The following COL24A1 variants were observed in gnomAD, a reference collection of about 807,000 sequenced individuals.
The protein encoded by COL24A1 is collagen type XXIV alpha 1 chain.
Under a neutral mutation model 253.9 loss-of-function variants are expected in COL24A1, and 224 were observed. That is an observed-to-expected ratio of 0.88 (90% CI 0.79 to 0.99). The LOEUF is 0.99. COL24A1 is among the 50% of genes least tolerant of loss of function. The pLI is 0.00. For synonymous variants in COL24A1, 685 were observed against 673.7 expected (o/e 1.02, Z -0.26); for missense variants, 2,131 against 2,068.5 (o/e 1.03, Z -0.59).
intron 43 of COL24A1, among the ~76,000 whole-genome samples, chr1:85,829,908 C>T (rs1057111862): frequency 5.9e-5 from 9 of 152,080 alleles, no homozygotes; most frequent in African/African-American, 2.2e-4. Context: ...CGTCTGAAGC[C>T]TTCTTCTCTG....
At chr1:86,015,566 T>C (rs1250215919) in intron 19 of COL24A1, among the ~76,000 whole-genome samples, 1 of 152,150 alleles carries the variant, frequency 6.6e-6, no homozygotes, top group East Asian at 1.9e-4. Flanking sequence ...CTAGTGTACA[T>C]ATCACCTGTA....
At chr1:86,071,167 GT>G (rs1701846989) in intron 7 of COL24A1, among the ~76,000 whole-genome samples, 1 of 152,160 alleles carries the variant, frequency 6.6e-6, no homozygotes, top group Admixed American at 6.5e-5. Flanking sequence ...GCATTAAGCT[GT>G]CATCAGTTTA....
chr1:86,045,894 AG>A (rs1194706820), intron 12 of COL24A1: 2 of 433,492 alleles, frequency 4.6e-6, no homozygotes, highest in Middle Eastern at 3.4e-4. Context: ...TGTGAGTAGA[AG>A]ACAGAGCAGA....
intron 24 of COL24A1, among the ~76,000 whole-genome samples, chr1:85,951,855 A>T (rs1689966764): frequency 6.6e-6 from 1 of 152,190 alleles, no homozygotes; most frequent in Non-Finnish European, 1.5e-5. Context: ...TTCCATTTTT[A>T]ACTGAAAATG....
chr1:85,860,304 T>C (rs1257691731), intron 37 of COL24A1, among the ~76,000 whole-genome samples: 1 of 152,210 alleles, frequency 6.6e-6, no homozygotes, highest in African/African-American at 2.4e-5. Context: ...AAATCAATTT[T>C]AGAACATTTT....
At chr1:85,970,185 T>C (rs1386731853) in intron 22 of COL24A1, 42 bp downstream of exon 22, 1 of 1,510,826 alleles carries the variant, frequency 6.6e-7, no homozygotes, top group South Asian at 1.3e-5. Context: ...ACAGCTATTT[T>C]CAAGAAAAGC....
chr1:85,830,782 C>T (rs988399162), intron 43 of COL24A1, among the ~76,000 whole-genome samples: 4 of 152,156 alleles, frequency 2.6e-5, no homozygotes, highest in African/African-American at 4.8e-5. Flanking sequence ...TGCTTCGGCT[C>T]GCGCACAGTG....
intron 43 of COL24A1, among the ~76,000 whole-genome samples, chr1:85,828,915 CCATTTA>C (rs1674781009): frequency 6.7e-6 from 1 of 149,614 alleles, no homozygotes; most frequent in South Asian, 2.1e-4. Flanking sequence ...AGCATTTAGT[CCATTTA>C]CATTTAAAGT....
chr1:86,015,677 C>G (rs1696923309), intron 19 of COL24A1, among the ~76,000 whole-genome samples: 1 of 152,062 alleles, frequency 6.6e-6, no homozygotes. Context: ...GCAGTAAATA[C>G]TATTCATTCC....
At chr1:85,837,553 C>A (rs542596796) in intron 43 of COL24A1, among the ~76,000 whole-genome samples, 2 of 152,080 alleles carry the variant, frequency 1.3e-5, no homozygotes, top group South Asian at 2.1e-4. Flanking sequence ...TAGAACTAGA[C>A]GTTGTACAAG....
chr1:86,077,134 A>G (rs955851759), intron 7 of COL24A1, among the ~76,000 whole-genome samples: 5 of 152,200 alleles, frequency 3.3e-5, no homozygotes, highest in Admixed American at 2.0e-4. Context: ...AGAAACTTAA[A>G]CAAATTCACA....
intron 53 of COL24A1, 78 bp downstream of exon 53, chr1:85,775,596 T>TG (rs1668459598): frequency 4.2e-6 from 5 of 1,197,624 alleles, no homozygotes; most frequent in Non-Finnish European, 6.0e-6. Context: ...AATGGATAAC[T>TG]CTAACAGGGT....
chr1:85,910,055 A>G (rs1685219700), intron 25 of COL24A1, 52 bp from the exon 26 acceptor site: 1 of 1,416,590 alleles, frequency 7.1e-7, no homozygotes, highest in Non-Finnish European at 9.9e-7. Flanking sequence ...TTAATTAGTC[A>G]TGACTGAGCT....
intron 35 of COL24A1, among the ~76,000 whole-genome samples, chr1:85,872,041 T>C (rs150569389): frequency 0.016 from 2,372 of 152,238 alleles, 55 homozygotes; most frequent in African/African-American, 0.053. Flanking sequence ...ACAAGCATTC[T>C]TATACACCAA....
chr1:85,735,026 GA>G, intron 58 of COL24A1, 62 bp from the exon 59 acceptor site: 1 of 1,511,254 alleles, frequency 6.6e-7, no homozygotes, highest in Non-Finnish European at 9.1e-7. Flanking sequence ...AACAGTTCAG[GA>G]AAACCTGAGG....
intron 24 of COL24A1, among the ~76,000 whole-genome samples, chr1:85,925,343 A>T (rs1345847844): frequency 6.6e-6 from 1 of 152,190 alleles, no homozygotes; most frequent in Non-Finnish European, 1.5e-5. Flanking sequence ...ATATGGAACC[A>T]AAAAAGAGCC....
intron 47 of COL24A1, among the ~76,000 whole-genome samples, chr1:85,806,076 A>T (rs1322035128): frequency 2.9e-4 from 2 of 6,954 alleles, no homozygotes; most frequent in African/African-American, 2.5e-4. Flanking sequence ...ACTCCGTCTC[A>T]AAAAAAAAAA....
At chr1:86,041,500 T>G (rs1699479191) in intron 12 of COL24A1, among the ~76,000 whole-genome samples, 1 of 152,136 alleles carries the variant, frequency 6.6e-6, no homozygotes, top group Admixed American at 6.6e-5. Flanking sequence ...GAGAGCTCTG[T>G]AAATGCTTTT....
intron 7 of COL24A1, among the ~76,000 whole-genome samples, chr1:86,075,614 C>G (rs967594112): frequency 6.6e-6 from 1 of 152,196 alleles, no homozygotes; most frequent in Non-Finnish European, 1.5e-5. Flanking sequence ...AGGCCAATAT[C>G]CTTGATGAAT....
Sources: allele counts gnomAD v4.1 joint callset (sites outside exome capture counted in the v4.1 genomes callset), GRCh38; gene constraint gnomAD v4.1.1; transcripts MANE v1.5; gene names NCBI Gene and HGNC (gene_info 2026-07-23, HGNC 2026-07-21).